Variants in SIPA1L2 observed in about 807,000 individuals in gnomAD.
The protein encoded by SIPA1L2 is signal-induced proliferation-associated 1-like protein 2.
A neutral mutation model predicts 163.9 loss-of-function variants in SIPA1L2; 56 were observed. The observed-to-expected ratio is 0.34, with a 90% CI of 0.28 to 0.43. SIPA1L2 has a LOEUF of 0.43. Among genes scored for constraint, SIPA1L2 ranks in the 20% least tolerant of loss-of-function variants. The probability of loss-of-function intolerance (pLI) is 1.00; values close to 1 mark genes in which losing one functional copy is unlikely to be tolerated. For missense variants in SIPA1L2, 1,974 were observed against 2,193.5 expected (o/e 0.90, Z 2.00); for synonymous variants, 877 against 865.7 (o/e 1.01, Z -0.23).
intron 18 of SIPA1L2, among the ~76,000 whole-genome samples, chr1:232,416,429 C>T (rs934625606): frequency 5.9e-5 from 9 of 152,188 alleles, no homozygotes; most frequent in African/African-American, 2.2e-4. Flanking sequence ...ATTGTAATTT[C>T]GCGGTTTTCT....
At chr1:232,507,187 T>TC (rs1425861183) in intron 3 of SIPA1L2, among the ~76,000 whole-genome samples, 1 of 151,814 alleles carries the variant, frequency 6.6e-6, no homozygotes. Flanking sequence ...TTTTTTTTTT[T>TC]TTCTCCGACT....
At chr1:232,546,793 A>G (rs1227299873) in intron 2 of SIPA1L2, among the ~76,000 whole-genome samples, 1 of 152,224 alleles carries the variant, frequency 6.6e-6, no homozygotes, top group Non-Finnish European at 1.5e-5. Flanking sequence ...AGTGAAAGAG[A>G]TAACCGCACA....
In SIPA1L2 at chr1:232,441,324, T is replaced by A. The variant is rs1024519193; in HGVS notation, c.3609A>T (p.Gly1203=). The change falls in exon 14 of 23, where the codon GGA becomes GGT. Residue 1203 remains glycine (G), a synonymous_variant. Coordinates refer to ENST00000674635, the MANE Select transcript of SIPA1L2 (RefSeq NM_020808.5). ...GCTTATTGGGGGAATCTTTGCAACT[T>A]CCATCTTTCTGCAGAGCTCTTTCTT... ...SYKERALQKD[G]SCKDSPNKLS... 8 of 1,593,946 alleles carry A rather than the reference T, an allele frequency of 5.0e-6. No individual in the cohort carries two copies. The highest frequency in any genetic ancestry group is 6.0e-6 in the Non-Finnish European group (7 of 1,175,582).
intron 3 of SIPA1L2, among the ~76,000 whole-genome samples, chr1:232,506,180 T>C (rs1448044194): frequency 6.6e-6 from 1 of 152,180 alleles, no homozygotes; most frequent in African/African-American, 2.4e-5. Context: ...AAAGAAAGTA[T>C]TGCCCTCTAA....
At chr1:232,513,234 C>T (rs1288605297) in intron 3 of SIPA1L2, among the ~76,000 whole-genome samples, 1 of 152,172 alleles carries the variant, frequency 6.6e-6, no homozygotes, top group Non-Finnish European at 1.5e-5. Flanking sequence ...AGAATGCATC[C>T]TTCAAGCCTG....
intron 7 of SIPA1L2, among the ~76,000 whole-genome samples, chr1:232,477,446 C>T (rs1665101999): frequency 6.6e-6 from 1 of 152,184 alleles, no homozygotes; most frequent in Non-Finnish European, 1.5e-5. Flanking sequence ...ATTCATTCAA[C>T]AAATGTTTGT....
intron 1 of SIPA1L2, among the ~76,000 whole-genome samples, chr1:232,591,942 C>A (rs1170363239): frequency 6.6e-6 from 1 of 152,134 alleles, no homozygotes; most frequent in African/African-American, 2.4e-5. Context: ...ACAGCCTAAG[C>A]CTGTAAGTGC....
intron 3 of SIPA1L2, among the ~76,000 whole-genome samples, chr1:232,499,231 T>C (rs1243944390): frequency 6.6e-6 from 1 of 152,144 alleles, no homozygotes; most frequent in Non-Finnish European, 1.5e-5. Flanking sequence ...ACGATTACGC[T>C]TAGTGAGGAA....
chr1:232,585,977 T>A (rs935049562), intron 1 of SIPA1L2, among the ~76,000 whole-genome samples: 5 of 151,762 alleles, frequency 3.3e-5, no homozygotes, highest in African/African-American at 1.2e-4. Flanking sequence ...ATAACAGCAA[T>A]AAAGAGAAAA....
At chr1:232,511,056 C>T (rs1353581670) in intron 3 of SIPA1L2, among the ~76,000 whole-genome samples, 1 of 152,088 alleles carries the variant, frequency 6.6e-6, no homozygotes, top group African/African-American at 2.4e-5. Context: ...ATTAGGAAGC[C>T]TATCTCTCCA....
In SIPA1L2 at chr1:232,617,112, G is replaced by A. The variant is rs547334407; in HGVS notation, c.-319+12757C>T. The stretch of plus-strand genomic sequence containing the variant: ...AGAAATAATTCCTCAGTTTTGCAAA[G>A]ATAAACAGATTTATTTCCATTCACC... On this transcript the variant is annotated intron_variant, in intron 1 of 22. Coordinates refer to ENST00000674635, the MANE Select transcript of SIPA1L2 (RefSeq NM_020808.5). 3.2e-4 allele frequency among the ~76,000 whole-genome samples: 48 copies of A among 152,320 alleles called. 1 individual carries two copies. Among genetic ancestry groups the A allele is most frequent in the African/African-American group, 1.0e-3 (43 of 41,576 alleles).
At chr1:232,530,404 G>A (rs1020355771) in intron 2 of SIPA1L2, among the ~76,000 whole-genome samples, 5 of 152,108 alleles carry the variant, frequency 3.3e-5, no homozygotes, top group African/African-American at 7.2e-5. Flanking sequence ...GTGAGCCACC[G>A]TGCTGGGCCA....
At chr1:232,467,252 G>A (rs1270740459) in intron 8 of SIPA1L2, among the ~76,000 whole-genome samples, 3 of 152,240 alleles carry the variant, frequency 2.0e-5, no homozygotes, top group South Asian at 2.1e-4. Flanking sequence ...CAGATACACC[G>A]AACTCATCAA....
chr1:232,469,409 C>T (rs1024608231), intron 8 of SIPA1L2, among the ~76,000 whole-genome samples: 2 of 152,012 alleles, frequency 1.3e-5, no homozygotes, highest in African/African-American at 4.8e-5. Flanking sequence ...TGTGGGCATG[C>T]CAACCTTATT....
At chr1:232,505,230 T>C (rs980437721) in intron 3 of SIPA1L2, among the ~76,000 whole-genome samples, 18 of 152,168 alleles carry the variant, frequency 1.2e-4, no homozygotes, top group African/African-American at 4.1e-4. Context: ...AGCCCACTGA[T>C]AACGGGATGG....
chr1:232,470,925 C>T (rs1254573864), intron 8 of SIPA1L2, among the ~76,000 whole-genome samples: 1 of 152,160 alleles, frequency 6.6e-6, no homozygotes, highest in East Asian at 1.9e-4. Context: ...CTTGTCAGAG[C>T]CAGTCTTGGG....
At chr1:232,405,984 C>T (rs1660610703) in intron 19 of SIPA1L2, among the ~76,000 whole-genome samples, 1 of 152,118 alleles carries the variant, frequency 6.6e-6, no homozygotes. Flanking sequence ...AGGCAAGAAG[C>T]CAAAACTAGA....
At chr1:232,438,500 G>T (rs1662695557) in intron 15 of SIPA1L2, among the ~76,000 whole-genome samples, 1 of 152,190 alleles carries the variant, frequency 6.6e-6, no homozygotes, top group Admixed American at 6.5e-5. Context: ...TGTCAAACAG[G>T]AGTTTAAAAC....
At chr1:232,622,325 ATCC>A (rs1257430166) in intron 1 of SIPA1L2, among the ~76,000 whole-genome samples, 4 of 152,260 alleles carry the variant, frequency 2.6e-5, no homozygotes, top group Non-Finnish European at 5.9e-5. Context: ...CATAAATAAT[ATCC>A]TCATGTACTG....
Sources: gnomAD v4.1 joint callset for allele counts (sites outside exome capture counted in the v4.1 genomes callset) on GRCh38, gnomAD v4.1.1 for gene constraint, MANE v1.5 for transcripts, NCBI Gene and HGNC (gene_info 2026-07-23, HGNC 2026-07-21) for gene names.